EARS2: variants seen among roughly 807,000 people sequenced by gnomAD.
EARS2 encodes the protein glutamyl-tRNA synthetase 2, mitochondrial, also known as nondiscriminating glutamyl-tRNA synthetase EARS2, mitochondrial.
A neutral mutation model predicts 54.1 loss-of-function variants in EARS2; 50 were observed. The observed-to-expected ratio is 0.92, with a 90% confidence interval of 0.74 to 1.17. EARS2 has a LOEUF of 1.17. Among genes scored for constraint, EARS2 ranks in the 50% most tolerant of loss-of-function variants. The pLI is 0.00. For synonymous variants in EARS2, 298 were observed against 281.0 expected (o/e 1.06, Z -0.61); for missense variants, 673 against 675.0 (o/e 1.00, Z 0.03).
At chr16:23,541,113 T>A (rs1050842194) in intron 3 of EARS2, among the ~76,000 whole-genome samples, 7 of 152,088 alleles carry the variant, frequency 4.6e-5, no homozygotes, top group African/African-American at 1.7e-4. Context: ...TCACTTGAGG[T>A]CAGGAGTTTG....
chr16:23,539,070 C>T (rs1965471918), intron 3 of EARS2, among the ~76,000 whole-genome samples: 1 of 146,606 alleles, frequency 6.8e-6, no homozygotes, highest in Non-Finnish European at 1.5e-5. Context: ...CTCCATCTCC[C>T]TAGTTCAGCT....
At chr16:23,533,475 G>A (rs1257117997) in intron 4 of EARS2, among the ~76,000 whole-genome samples, 1 of 152,096 alleles carries the variant, frequency 6.6e-6, no homozygotes, top group Non-Finnish European at 1.5e-5. Flanking sequence ...GAGGCTGAGT[G>A]AGCAAGCCCT....
intron 2 of EARS2, among the ~76,000 whole-genome samples, chr16:23,548,861 C>T (rs1022575373): frequency 6.6e-6 from 1 of 152,174 alleles, no homozygotes; most frequent in Admixed American, 6.5e-5. Flanking sequence ...TCCAAGACCA[C>T]TCATGGACCA....
At chr16:23,551,047 T>C (rs1965686924) in intron 2 of EARS2, among the ~76,000 whole-genome samples, 1 of 152,160 alleles carries the variant, frequency 6.6e-6, no homozygotes, top group African/African-American at 2.4e-5. Flanking sequence ...TTATACAACA[T>C]GGTTAAAAAA....
chr16:23,544,865 GTCTTGCTCTGATGTCGCCAAGGC>G, intron 2 of EARS2, 162 bp from the exon 3 acceptor site: 1 of 629,588 alleles, frequency 1.6e-6, no homozygotes, highest in Non-Finnish European at 2.6e-6. Flanking sequence ...TTGAGGCAGA[GTCTTGCTCTGATGTCGCCAAGGC>G]TGGAGTGCAG....
upstream of EARS2, chr16:23,557,375 C>T (rs1174383545): frequency 6.5e-7 from 1 of 1,536,332 alleles, no homozygotes; most frequent in Non-Finnish European, 8.7e-7. Flanking sequence ...GGGCTTCTCC[C>T]TGCGTCACTT....
intron 5 of EARS2, 146 bp downstream of exon 5, chr16:23,532,511 G>A (rs1965342879): frequency 5.3e-6 from 3 of 563,542 alleles, no homozygotes; most frequent in East Asian, 2.8e-5. Flanking sequence ...TTTTAGAGAA[G>A]AGAAAACAGA....
intron 8 of EARS2, chr16:23,524,937 G>A: frequency 1.8e-6 from 1 of 560,622 alleles, no homozygotes; most frequent in Non-Finnish European, 3.1e-6. Flanking sequence ...GAGCCACCGT[G>A]CCTGGCCTGA....
rs1965814619 is a variant in EARS2, at chr16:23,557,278, T to C, written c.66A>G (p.Val22=). The C allele has an allele frequency of 1.3e-6, 2 of 1,518,712 alleles. No individual in the cohort carries two copies. Among genetic ancestry groups the C allele is most frequent in the Non-Finnish European group, 1.7e-6 (2 of 1,144,916 alleles). 94.1% of individuals were successfully genotyped at this position (1,518,712 alleles called of 1,614,324 possible). The change falls in exon 1 of 9, where the codon GTA becomes GTG. Residue 22 remains valine, a synonymous_variant. Coordinates refer to ENST00000449606, the MANE Select transcript of EARS2 (RefSeq NM_001083614.2). The part of the protein sequence containing the change: ...ERPSAASGRP[V]GRREANLGTD... Reference sequence around the variant, plus strand: ...TGCCCAGGTTGGCCTCGCGCCGTCCTACGGGGCGGCCAGAGGCCGCCGAAG... The same window carrying C: ...TGCCCAGGTTGGCCTCGCGCCGTCCCACGGGGCGGCCAGAGGCCGCCGAAG...
chr16:23,546,970 C>G (rs932356985), intron 2 of EARS2, among the ~76,000 whole-genome samples: 15 of 152,156 alleles, frequency 9.9e-5, no homozygotes, highest in Non-Finnish European at 1.6e-4. Context: ...TGATCTAATG[C>G]TAAACAAGTC....
intron 3 of EARS2, chr16:23,537,304 C>T (rs988320034): frequency 6.4e-6 from 1 of 157,290 alleles, no homozygotes; most frequent in African/African-American, 2.4e-5. Flanking sequence ...GTTGCCCAGG[C>T]TGGTCTCGAA....
chr16:23,529,701 CCAGTAACCCCTCCCT>C lies in EARS2; in HGVS notation c.1221+28_1221+42del, dbSNP rs1240334617. 10 of 1,612,852 alleles carry C rather than the reference CCAGTAACCCCTCCCT, an allele frequency of 6.2e-6. No individual in the cohort carries two copies. In the African/African-American group the frequency reaches 1.2e-4, roughly 19 times the overall value. On this transcript the variant is annotated intron_variant, in intron 6 of 8. Coordinates refer to ENST00000449606, the MANE Select transcript of EARS2 (RefSeq NM_001083614.2). ...TGGAAGGCAGGAGGAATTGAGGCAC[CCAGTAACCCCTCCCT>C]CAGCTTCCCAGAATCCTGACACCAC... is the stretch of plus-strand genomic sequence containing the variant.
chr16:23,529,423 G>T, intron 7 of EARS2, 79 bp downstream of exon 7: 1 of 1,540,018 alleles, frequency 6.5e-7, no homozygotes, highest in South Asian at 1.2e-5. Context: ...CAACAGCCCA[G>T]CCCTGAAGGA....
At chr16:23,533,545 G>A (rs1965361396) in intron 4 of EARS2, among the ~76,000 whole-genome samples, 1 of 152,088 alleles carries the variant, frequency 6.6e-6, no homozygotes, top group South Asian at 2.1e-4. Flanking sequence ...TATATCAAGA[G>A]CCTGAATGAG....
chr16:23,523,301 A>G lies in EARS2; in HGVS notation c.*1070T>C, dbSNP rs762102458. 4.6e-5 allele frequency: 7 copies of G among 152,242 alleles called. No individual in the cohort carries two copies. The highest frequency in any genetic ancestry group is 1.9e-4 in the East Asian group (1 of 5,194). The allele number at this position is 152,242 out of a possible 1,614,324, so 9.4% of individuals were successfully genotyped here. ...GACCCCAAGAAGCATATCTCATTTC[A>G]GAAACCAGCAGAGATGATGACTTAT... On this transcript the variant is annotated 3_prime_UTR_variant, in exon 9 of 9. Coordinates refer to ENST00000449606, the MANE Select transcript of EARS2 (RefSeq NM_001083614.2).
chr16:23,552,814 T>C (rs572973296), intron 1 of EARS2, among the ~76,000 whole-genome samples: 1 of 152,196 alleles, frequency 6.6e-6, no homozygotes, highest in African/African-American at 2.4e-5. Context: ...TTAGTAAAGA[T>C]AGGATTTTGC....
In EARS2 at chr16:23,524,003, C is replaced by T. The variant is rs1965182811; in HGVS notation, c.*368G>A. 2 of 200,620 alleles carry T rather than the reference C, an allele frequency of 1.0e-5. No homozygotes were observed. The highest frequency in any genetic ancestry group is 1.1e-4 in the Admixed American group (2 of 18,026). 12.4% of individuals were successfully genotyped at this position (200,620 alleles called of 1,614,324 possible). The stretch of plus-strand genomic sequence containing the variant: ...AAATAAATCTCTGTTGTTTAAACCA[C>T]CTGGTTCTGTGGCATTTTGTTATGG... On this transcript the variant is annotated 3_prime_UTR_variant, in exon 9 of 9. Transcript: ENST00000449606.
At chr16:23,536,422 T>C (rs767605627) in intron 3 of EARS2, among the ~76,000 whole-genome samples, 3 of 152,184 alleles carry the variant, frequency 2.0e-5, no homozygotes, top group East Asian at 1.9e-4. Context: ...GTGGGTAACA[T>C]AGCAAAATCC....
chr16:23,544,350 C>T (rs1965564897), intron 3 of EARS2, among the ~76,000 whole-genome samples, 164 bp downstream of exon 3: 1 of 152,192 alleles, frequency 6.6e-6, no homozygotes, highest in African/African-American at 2.4e-5. Context: ...TTGCTTGTGG[C>T]TTTGAGAGAA....
Sources: gnomAD v4.1 joint callset for allele counts (sites outside exome capture counted in the v4.1 genomes callset) on GRCh38, gnomAD v4.1.1 for gene constraint, MANE v1.5 for transcripts, NCBI Gene and HGNC (gene_info 2026-07-23, HGNC 2026-07-21) for gene names.